Variants in ENOX2 observed in about 807,000 individuals in gnomAD.
The protein encoded by ENOX2 is APK1 antigen.
Under a neutral mutation model 45.0 loss-of-function variants are expected in ENOX2, and 36 were observed. The observed-to-expected ratio is 0.80, with a 90% CI of 0.61 to 1.06. The LOEUF is 1.06. Ranked by LOEUF, ENOX2 falls within the 50% of genes least tolerant of loss-of-function variation. The probability of loss-of-function intolerance (pLI) is 0.00; values close to 1 mark genes in which losing one functional copy is unlikely to be tolerated. For missense variants in ENOX2, 423 were observed against 462.5 expected, an observed-to-expected ratio of 0.91 and a Z score of 0.78; for synonymous variants, 174 against 152.3, an observed-to-expected ratio of 1.14 and a Z score of -1.05.
intron 2 of ENOX2, among the ~76,000 whole-genome samples, chrX:130,863,884 G>A (rs1157978461): frequency 9.0e-6 from 1 of 111,554 alleles, no homozygotes; most frequent in African/African-American, 3.3e-5. Context: ...TTTAACTGTA[G>A]TTAGTATCTT....
chrX:130,768,875 T>G (rs928511328), intron 3 of ENOX2, among the ~76,000 whole-genome samples: 1 of 111,616 alleles, frequency 9.0e-6, no homozygotes, highest in African/African-American at 3.3e-5. Flanking sequence ...AAGGCCTAAT[T>G]CTTTAGAACT....
intron 2 of ENOX2, among the ~76,000 whole-genome samples, chrX:130,869,812 TA>T (rs1405610945): frequency 8.9e-6 from 1 of 112,025 alleles, no homozygotes; most frequent in Admixed American, 9.5e-5. Flanking sequence ...CTTCCCCAGG[TA>T]AAGAAAGGTA....
chrX:130,902,817 A>G (rs1319977510), intron 1 of ENOX2, among the ~76,000 whole-genome samples: 1 of 99,547 alleles, frequency 1.0e-5, no homozygotes, highest in Admixed American at 1.1e-4. Flanking sequence ...AGTTGGACCA[A>G]AAAAAAAAAA....
rs1373614027 is a variant in ENOX2, at chrX:130,779,500, A to AT, written c.-39+4046dup. ...GGCAAGGATTCCATTAGGGCCAGGTATTTTTTTTTTTCACAAGCACCCAGA... is the reference window on the plus strand; with the variant it reads ...GGCAAGGATTCCATTAGGGCCAGGTATTTTTTTTTTTTCACAAGCACCCAGA... On this transcript the variant is annotated intron_variant, in intron 3 of 14. Transcript: ENST00000394363. Among the ~76,000 whole-genome samples the AT allele has an allele frequency of 4.2e-3, 450 of 105,939 alleles. 4 individuals are homozygous for AT. Among genetic ancestry groups the AT allele is most frequent in the Non-Finnish European group, 6.3e-3 (321 of 51,069 alleles). 92.0% of individuals were successfully genotyped at this position (105,939 alleles called of 115,157 possible). A position where few individuals can be genotyped will look rare whatever the true frequency, so the allele number is the denominator to read the frequency against.
chrX:130,827,914 T>C (rs777557899), intron 2 of ENOX2, among the ~76,000 whole-genome samples: 18 of 111,916 alleles, frequency 1.6e-4, no homozygotes, highest in African/African-American at 4.5e-4. Flanking sequence ...CTCGGATTTA[T>C]GTATTTATGC....
chrX:130,785,826 G>A (rs781298184), intron 2 of ENOX2, among the ~76,000 whole-genome samples: 2 of 112,280 alleles, frequency 1.8e-5, no homozygotes, highest in Non-Finnish European at 3.8e-5. Flanking sequence ...GAATGGCATA[G>A]TGGAAAGATC....
chrX:130,778,628 A>C (rs888047599), intron 3 of ENOX2, among the ~76,000 whole-genome samples: 1 of 112,406 alleles, frequency 8.9e-6, no homozygotes, highest in African/African-American at 3.2e-5. Context: ...GAAAGAAACA[A>C]TCACCATACC....
intron 4 of ENOX2, among the ~76,000 whole-genome samples, chrX:130,701,302 G>GT: frequency 9.1e-6 from 1 of 110,212 alleles, no homozygotes; most frequent in Non-Finnish European, 1.9e-5. Flanking sequence ...GACTATAAGT[G>GT]TTGTGACTCA....
At chrX:130,668,743 A>G (rs1242138908) in intron 7 of ENOX2, among the ~76,000 whole-genome samples, 1 of 112,404 alleles carries the variant, frequency 8.9e-6, no homozygotes, top group African/African-American at 3.2e-5. Context: ...CAGTGCAGAC[A>G]TATAACAAGC....
intron 3 of ENOX2, among the ~76,000 whole-genome samples, chrX:130,752,681 T>A (rs1333832850): frequency 9.0e-6 from 1 of 111,368 alleles, no homozygotes; most frequent in Non-Finnish European, 1.9e-5. Flanking sequence ...TTTCTGCCTG[T>A]CTGTCTCTTA....
At chrX:130,764,107 A>T (rs1450074486) in intron 3 of ENOX2, among the ~76,000 whole-genome samples, 1 of 111,005 alleles carries the variant, frequency 9.0e-6, no homozygotes, top group East Asian at 2.8e-4. Context: ...AACAAAATCC[A>T]AAAAACTTGA....
At chrX:130,634,946 A>C in intron 12 of ENOX2, 38 bp downstream of exon 12, 1 of 751,314 alleles carries the variant, frequency 1.3e-6, no homozygotes, top group Non-Finnish European at 2.0e-6. Context: ...AAAGTAGGTA[A>C]AGGGGCAAGG....
chrX:130,768,368 T>C (rs1338154862), intron 3 of ENOX2, among the ~76,000 whole-genome samples: 1 of 111,790 alleles, frequency 8.9e-6, no homozygotes, highest in Admixed American at 9.5e-5. Flanking sequence ...GAATACCTCC[T>C]TCTAGCTGCT....
chrX:130,892,874 C>T (rs1188610300), intron 2 of ENOX2, among the ~76,000 whole-genome samples: 3 of 112,222 alleles, frequency 2.7e-5, no homozygotes, highest in Admixed American at 1.9e-4. Flanking sequence ...ATCTGAAATG[C>T]AGAAAAGAAT....
At chrX:130,653,516 C>T (rs1001766314) in intron 10 of ENOX2, among the ~76,000 whole-genome samples, 1 of 110,937 alleles carries the variant, frequency 9.0e-6, no homozygotes, top group Non-Finnish European at 1.9e-5. Flanking sequence ...TCCCTCCCTT[C>T]CCCCCACCAT....
At chrX:130,632,369 G>GC (rs1556405755) in intron 12 of ENOX2, among the ~76,000 whole-genome samples, 2 of 47,283 alleles carry the variant, frequency 4.2e-5, no homozygotes, top group East Asian at 1.7e-3. Context: ...AGGGGCGGGG[G>GC]GGGGGGGTGG....
intron 2 of ENOX2, among the ~76,000 whole-genome samples, chrX:130,809,816 T>C (rs776418252): frequency 8.2e-5 from 9 of 110,126 alleles, no homozygotes; most frequent in Non-Finnish European, 1.5e-4. Flanking sequence ...GGAGCAATAA[T>C]ACAATGTGAT....
intron 3 of ENOX2, among the ~76,000 whole-genome samples, chrX:130,719,113 A>G (rs1281147034): frequency 1.8e-5 from 2 of 111,764 alleles, no homozygotes; most frequent in Admixed American, 1.9e-4. Flanking sequence ...TCTCTCCTTG[A>G]AGATCTATGA....
chrX:130,663,296 C>T (rs183309242), intron 9 of ENOX2, among the ~76,000 whole-genome samples: 13 of 111,315 alleles, frequency 1.2e-4, no homozygotes, highest in Admixed American at 1.9e-4. Flanking sequence ...TTTGGGAGGC[C>T]GAGGTGGGCG....
Sources: allele counts gnomAD v4.1 joint callset (sites outside exome capture counted in the v4.1 genomes callset), GRCh38; gene constraint gnomAD v4.1.1; transcripts MANE v1.5; gene names NCBI Gene and HGNC (gene_info 2026-07-23, HGNC 2026-07-21).